The following STPG2 variants were observed in gnomAD, a reference collection of about 807,000 sequenced individuals.
STPG2 encodes the protein sperm tail PG-rich repeat containing 2.
STPG2 carries 56 observed loss-of-function variants against 54.2 expected under a neutral mutation model. That is an observed-to-expected ratio of 1.03 (90% CI 0.83 to 1.29). The LOEUF (loss-of-function observed/expected upper bound fraction) is 1.29, where lower values mean the gene tolerates loss of function less well. STPG2 is among the 50% of genes most tolerant of loss of function. STPG2 has a pLI of 0.00. For synonymous variants in STPG2, 200 were observed against 181.8 expected (o/e 1.10, Z -0.81); for missense variants, 596 against 544.9 (o/e 1.09, Z -0.93).
At chr4:97,474,488 C>T (rs1176640855) in intron 4 of STPG2, among the ~76,000 whole-genome samples, 2 of 152,038 alleles carry the variant, frequency 1.3e-5, no homozygotes, top group Admixed American at 6.6e-5. Flanking sequence ...CTTTTAGTGG[C>T]TTTGAACATG....
rs1278176789 is a variant in STPG2, at chr4:97,840,987, A to G, written c.1045-55T>C. The G allele has an allele frequency of 3.3e-6, 5 of 1,537,652 alleles. No homozygotes were observed. In the African/African-American group the frequency reaches 4.2e-5, roughly 13 times the overall value. Reference sequence around the variant, plus strand: ...ATATATCTTATACTGAAAATATCCAAGAAGATACCAGATGGATGGTTACAG... The same window carrying G: ...ATATATCTTATACTGAAAATATCCAGGAAGATACCAGATGGATGGTTACAG... On this transcript the variant is annotated intron_variant, in intron 8 of 10. Transcript: ENST00000295268.
At chr4:97,794,077 T>C (rs1433362791) in intron 9 of STPG2, among the ~76,000 whole-genome samples, 1 of 152,154 alleles carries the variant, frequency 6.6e-6, no homozygotes, top group Non-Finnish European at 1.5e-5. Context: ...TCTCTGTTAT[T>C]GCTTTGTAAT....
At chr4:97,802,548 C>A (rs1293282688) in intron 9 of STPG2, among the ~76,000 whole-genome samples, 4 of 152,052 alleles carry the variant, frequency 2.6e-5, no homozygotes, top group African/African-American at 9.7e-5. Flanking sequence ...TGGGCTCACT[C>A]CAACCTCCAT....
intron 9 of STPG2, among the ~76,000 whole-genome samples, chr4:97,832,054 G>T (rs1030303122): frequency 6.6e-6 from 1 of 152,140 alleles, no homozygotes; most frequent in Non-Finnish European, 1.5e-5. Flanking sequence ...AAACATGGCA[G>T]AGACACAACA....
intron 3 of STPG2, among the ~76,000 whole-genome samples, chr4:98,118,405 G>C (rs924721249): frequency 6.6e-6 from 1 of 152,088 alleles, no homozygotes; most frequent in African/African-American, 2.4e-5. Context: ...TGTACTATGG[G>C]ATTAAGCAAA....
chr4:97,442,737 T>C (rs1729121208), intron 4 of STPG2, among the ~76,000 whole-genome samples: 1 of 152,124 alleles, frequency 6.6e-6, no homozygotes, highest in Non-Finnish European at 1.5e-5. Context: ...CATGTAAAAA[T>C]AGTTAAATAA....
chr4:97,530,279 T>C (rs1460974408), intron 4 of STPG2, among the ~76,000 whole-genome samples: 1 of 152,204 alleles, frequency 6.6e-6, no homozygotes, highest in Non-Finnish European at 1.5e-5. Context: ...GTGATTATTT[T>C]GTGACATTGT....
At chr4:97,546,873 A>C (rs1731844746) in intron 4 of STPG2, among the ~76,000 whole-genome samples, 1 of 152,234 alleles carries the variant, frequency 6.6e-6, no homozygotes, top group African/African-American at 2.4e-5. Context: ...CTTCACTGGC[A>C]GTCATACTAC....
chr4:98,088,692 A>C (rs1425457337), intron 5 of STPG2, among the ~76,000 whole-genome samples: 3 of 135,998 alleles, frequency 2.2e-5, no homozygotes, highest in African/African-American at 5.6e-5. Context: ...AAAAAAAAAA[A>C]CTCTAGCCAT....
chr4:97,945,395 C>T (rs541448461), intron 7 of STPG2, among the ~76,000 whole-genome samples: 4 of 152,202 alleles, frequency 2.6e-5, no homozygotes, highest in Admixed American at 6.5e-5. Context: ...TTATGTTATT[C>T]TTTTTTATGG....
At chr4:97,915,870 G>A (rs1195040462) in intron 8 of STPG2, among the ~76,000 whole-genome samples, 4 of 152,124 alleles carry the variant, frequency 2.6e-5, no homozygotes, top group African/African-American at 9.7e-5. Flanking sequence ...GCTTCGGGAA[G>A]ATCACCATGG....
rs564400043 is a variant in STPG2 at position 98,025,876 on chromosome 4, G to A, written c.613-44558C>T. ...GCAATAAAGTTTTTGGCACCCTGAA[G>A]GGAGCTGTGGATGGAGGCTTGTCTA... On this transcript the variant is annotated intron_variant, in intron 5 of 10. Coordinates refer to ENST00000295268, the MANE Select transcript of STPG2 (RefSeq NM_174952.3). 10 of 1,598,102 alleles carry A rather than the reference G, an allele frequency of 6.3e-6. No individual in the cohort carries two copies. In the African/African-American group the frequency reaches 1.1e-4, roughly 17 times the overall value.
Position 97,964,312 on chromosome 4 carries a change from T to C in STPG2, c.933+7968A>G, listed in dbSNP as rs77780927. ...GAGTTCTGGGAACGTGGATCTTTTATAATGAGCAGTAAGCACACCCTTTGC... is the reference window on the plus strand; with the variant it reads ...GAGTTCTGGGAACGTGGATCTTTTACAATGAGCAGTAAGCACACCCTTTGC... On this transcript the variant is annotated intron_variant, in intron 7 of 10. Transcript: ENST00000295268. 3.1e-3 allele frequency among the ~76,000 whole-genome samples: 472 copies of C among 152,276 alleles called. 4 individuals carry two copies. Among genetic ancestry groups the C allele is most frequent in the African/African-American group, 0.011 (460 of 41,564 alleles).
chr4:98,005,541 T>A (rs1288369657), intron 5 of STPG2, among the ~76,000 whole-genome samples: 1 of 152,206 alleles, frequency 6.6e-6, no homozygotes, highest in Non-Finnish European at 1.5e-5. Context: ...ATATAGCCTT[T>A]CTTATGTTGA....
intron 9 of STPG2, among the ~76,000 whole-genome samples, chr4:97,729,063 TTCTCTCTC>T (rs57186071): frequency 9.6e-5 from 12 of 124,912 alleles, no homozygotes; most frequent in South Asian, 2.8e-4. Context: ...CCCCAAGAAT[TTCTCTCTC>T]TCTCTCTCTC....
intron 4 of STPG2, among the ~76,000 whole-genome samples, chr4:97,523,556 C>G (rs1353252509): frequency 1.3e-5 from 2 of 151,876 alleles, no homozygotes; most frequent in Non-Finnish European, 2.9e-5. Context: ...TTAGATTTGA[C>G]AGTCTTCAAG....
At chr4:97,706,183 C>T (rs887895144) in intron 10 of STPG2, among the ~76,000 whole-genome samples, 1 of 152,062 alleles carries the variant, frequency 6.6e-6, no homozygotes, top group African/African-American at 2.4e-5. Context: ...AAGGGTAGCC[C>T]TTCTGAAAAA....
intron 7 of STPG2, among the ~76,000 whole-genome samples, chr4:97,948,907 T>A (rs1733354672): frequency 6.6e-6 from 1 of 152,238 alleles, no homozygotes; most frequent in South Asian, 2.1e-4. Flanking sequence ...GGTAGAATGT[T>A]CTGTAAATAT....
At chr4:97,886,224 C>T (rs1044193800) in intron 8 of STPG2, among the ~76,000 whole-genome samples, 2 of 151,966 alleles carry the variant, frequency 1.3e-5, no homozygotes, top group African/African-American at 4.8e-5. Flanking sequence ...AATTACTGAA[C>T]TTTATAGAAA....
Sources: allele counts gnomAD v4.1 joint callset (sites outside exome capture counted in the v4.1 genomes callset), GRCh38; gene constraint gnomAD v4.1.1; transcripts MANE v1.5; gene names NCBI Gene and HGNC (gene_info 2026-07-23, HGNC 2026-07-21).